Variants in ARID1A observed in about 807,000 individuals in gnomAD.
ARID1A encodes the protein AT-rich interaction domain 1A, also known as AT-rich interactive domain-containing protein 1A.
A neutral mutation model predicts 212.6 loss-of-function variants in ARID1A; 20 were observed. The ratio of observed to expected loss-of-function variants is 0.09; its 90% CI spans 0.07 to 0.14. ARID1A has a LOEUF of 0.14. ARID1A is among the 10% of genes least tolerant of loss of function. ARID1A has a pLI of 1.00. For synonymous variants in ARID1A, 1,376 were observed against 1,222.1 expected (o/e 1.13, Z -2.63); for missense variants, 2,587 against 3,059.0 (o/e 0.85, Z 3.64).
At chr1:26,736,320 C>T (rs2080729051) in intron 4 of ARID1A, among the ~76,000 whole-genome samples, 2 of 108,168 alleles carry the variant, frequency 1.8e-5, no homozygotes, top group Admixed American at 2.2e-4. Context: ...TGAACTCCAT[C>T]TCAAAAAAAA....
At position 26,780,204 on chromosome 1, in the gene ARID1A, C is replaced by T. The variant is rs779422603; in HGVS notation, c.6306C>T (p.Pro2102=). 5 of 1,614,202 alleles carry T rather than the reference C, an allele frequency of 3.1e-6. No homozygotes were observed. Among genetic ancestry groups the T allele is most frequent in the East Asian group, 2.2e-5 (1 of 44,884 alleles). ...GCCCTTCAGCTGAAGCCCAGGACCC[C>T]TTTTCCACCCTGGGCCCCAATGCCG... ...AVCPSAEAQD[P]FSTLGPNAVL... Residue 2102 remains proline, a synonymous_variant, in exon 20 of 20, where the codon CCC becomes CCT. Coordinates refer to ENST00000324856, the MANE Select transcript of ARID1A (RefSeq NM_006015.6). This position sits in a 1 kb window ranked among gnomAD's most constrained non-coding sequence, Gnocchi z 7.2.
In ARID1A at chr1:26,775,433, A is replaced by AG. The variant is rs550995687; in HGVS notation, c.4994-140dup. On this transcript the variant is annotated intron_variant, in intron 18 of 19. Transcript: ENST00000324856. ...CTAGACAGACAGCTTAGAAGCCATG[A>AG]GGGGCTGGTGTGTTTCATCTCCCAG... 4.9e-5 allele frequency: 68 copies of AG among 1,387,614 alleles called. No homozygotes were observed. The African/African-American group carries it at 6.1e-4, about 12-fold the overall frequency. The allele number at this position is 1,387,614 out of a possible 1,614,324, so 86.0% of individuals were successfully genotyped here.
chr1:26,708,288 TTTTTTTTTTTTTTTGA>T (rs1328082791), intron 1 of ARID1A, among the ~76,000 whole-genome samples: 1 of 121,294 alleles, frequency 8.2e-6, no homozygotes. Context: ...TTTTTTTTTT[TTTTTTTTTTTTTTTGA>T]GACGGAGTCT....
chr1:26,699,735 T>C (rs907204674), intron 1 of ARID1A, among the ~76,000 whole-genome samples: 1 of 152,182 alleles, frequency 6.6e-6, no homozygotes, highest in Non-Finnish European at 1.5e-5. Context: ...GGCTGAAAAT[T>C]TTACTTTTCT....
chr1:26,697,109 G>A lies in ARID1A; in HGVS notation c.706G>A (p.Gly236Ser), dbSNP rs2124743186. ...APAYALSSPR[G>S]GTPGSGAAAA... ...GGCCTACGCGCTGAGCTCCCCGAGA[G>A]GTGGCACTCCGGGCTCCGGCGCGGC... Residue 236 changes from glycine to serine, a missense_variant, in exon 1 of 20, where the codon GGT becomes AGT. Coordinates refer to ENST00000324856, the MANE Select transcript of ARID1A (RefSeq NM_006015.6). 2 of 1,458,736 alleles carry A rather than the reference G, an allele frequency of 1.4e-6. No homozygotes were observed. The highest frequency in any genetic ancestry group is 1.8e-6 in the Non-Finnish European group (2 of 1,109,786). 90.4% of individuals were successfully genotyped at this position (1,458,736 alleles called of 1,614,324 possible). A position where few individuals can be genotyped will look rare whatever the true frequency, so the allele number is the denominator to read the frequency against.
In ARID1A at chr1:26,771,782, T is replaced by C. The variant is rs1345600488; in HGVS notation, c.3406+456T>C. Reference sequence around the variant, plus strand: ...TATGAATGGAACTCCCTGATGGGAGTGGCTCTGCTCACCCTCCTTTCTGAG... The same window carrying C: ...TATGAATGGAACTCCCTGATGGGAGCGGCTCTGCTCACCCTCCTTTCTGAG... On this transcript the variant is annotated intron_variant, in intron 12 of 19. Coordinates refer to ENST00000324856, the MANE Select transcript of ARID1A (RefSeq NM_006015.6). The surrounding 1 kb of genome is among the most constrained non-coding windows in gnomAD (Gnocchi z 5.4). 5.4e-6 allele frequency: 1 copy of C among 186,538 alleles called. No individual in the cohort carries two copies. Among genetic ancestry groups the C allele is most frequent in the Non-Finnish European group, 1.1e-5 (1 of 89,034 alleles). The allele number at this position is 186,538 out of a possible 1,614,324, so 11.6% of individuals were successfully genotyped here. A position where few individuals can be genotyped will look rare whatever the true frequency, so the allele number is the denominator to read the frequency against.
Position 26,763,092 on chromosome 1 carries a change from A to G in ARID1A, c.2539A>G (p.Ile847Val). ...AGGTCAAATGCATGGACAGCCTGGC[A>G]TCCCACCTTATGGCACACTCCCTCC... Reference protein sequence around the residue: ...AGGQMHGQPGIPPYGTLPPGR... With the variant: ...AGGQMHGQPGVPPYGTLPPGR... Residue 847 changes from isoleucine (I) to valine (V), a missense_variant, in exon 8 of 20, where the codon ATC (isoleucine) becomes GTC (valine). Coordinates refer to ENST00000324856, the MANE Select transcript of ARID1A (RefSeq NM_006015.6). 1.2e-6 allele frequency: 2 copies of G among 1,614,282 alleles called. No individual in the cohort carries two copies. Among genetic ancestry groups the G allele is most frequent in the Non-Finnish European group, 1.7e-6 (2 of 1,180,046 alleles).
chr1:26,696,700 C>T lies in ARID1A; in HGVS notation c.297C>T (p.Asp99=), dbSNP rs2080258847. 11 of 1,363,280 alleles carry T rather than the reference C, an allele frequency of 8.1e-6. No homozygotes were observed. Among genetic ancestry groups the T allele is most frequent in the South Asian group, 5.3e-5 (3 of 56,970 alleles). 84.4% of individuals were successfully genotyped at this position (1,363,280 alleles called of 1,614,324 possible). ...GCGGCGGGCCCGGCGCGGAGCCGGA[C>T]CTGAAGAACTCGAACGGGAACGCGG... is the stretch of plus-strand genomic sequence containing the variant. The part of the protein sequence containing the change: ...GSGGGPGAEP[D]LKNSNGNAGP... The change falls in exon 1 of 20, where the codon GAC becomes GAT. Residue 99 remains aspartate, a synonymous_variant. Coordinates refer to ENST00000324856, the MANE Select transcript of ARID1A (RefSeq NM_006015.6).
Position 26,780,088 on chromosome 1 carries a change from C to G in ARID1A, c.6190C>G (p.Leu2064Val), listed in dbSNP as rs2124146651. 6.2e-7 allele frequency: 1 copy of G among 1,614,162 alleles called. No individual in the cohort carries two copies. The highest frequency in any genetic ancestry group is 8.5e-7 in the Non-Finnish European group (1 of 1,180,028). Residue 2064 changes from leucine (L) to valine (V), a missense_variant, in exon 20 of 20, where the codon CTC (leucine) becomes GTC (valine). Transcript: ENST00000324856. This position sits in a 1 kb window ranked among gnomAD's most constrained non-coding sequence, Gnocchi z 7.2. ...EMLRENTLVT[L>V]ANISGQLDLS... is the part of the protein sequence containing the mutation. ...GCTCCGGGAAAACACCTTGGTTACA[C>G]TCGCCAACATCTCGGGGCAGTTGGA...
At chr1:26,706,550 C>T (rs560471032) in intron 1 of ARID1A, among the ~76,000 whole-genome samples, 2 of 152,254 alleles carry the variant, frequency 1.3e-5, no homozygotes, top group East Asian at 1.9e-4. Flanking sequence ...TCTCAACTGC[C>T]GTGTACTTTG....
rs758956773 is a variant in ARID1A at position 26,774,282 on chromosome 1, C to T, written c.4102-47C>T. Reference sequence around the variant, plus strand: ...ATCTTGGCATCTGTGGGCTTTATGTCCCTGAGTGCAGAGTATTAACTTCCC... The same window carrying T: ...ATCTTGGCATCTGTGGGCTTTATGTTCCTGAGTGCAGAGTATTAACTTCCC... On this transcript the variant is annotated intron_variant, in intron 17 of 19. Coordinates refer to ENST00000324856, the MANE Select transcript of ARID1A (RefSeq NM_006015.6). The surrounding 1 kb of genome is among the most constrained non-coding windows in gnomAD (Gnocchi z 5.6). The T allele has an allele frequency of 6.0e-6, 9 of 1,511,708 alleles. No individual in the cohort carries two copies. The African/African-American group carries it at 1.3e-4, about 21-fold the overall frequency. 93.6% of individuals were successfully genotyped at this position (1,511,708 alleles called of 1,614,324 possible). A position where few individuals can be genotyped will look rare whatever the true frequency, so the allele number is the denominator to read the frequency against.
At chr1:26,707,861 G>C (rs2080408384) in intron 1 of ARID1A, among the ~76,000 whole-genome samples, 1 of 152,132 alleles carries the variant, frequency 6.6e-6, no homozygotes, top group African/African-American at 2.4e-5. Flanking sequence ...AGTTGGGTTT[G>C]TCTGACAAGG....
chr1:26,708,290 TTTTTTTTTTTTTG>T (rs1247958910), intron 1 of ARID1A, among the ~76,000 whole-genome samples: 2 of 116,446 alleles, frequency 1.7e-5, no homozygotes, highest in Non-Finnish European at 3.6e-5. Context: ...TTTTTTTTTT[TTTTTTTTTTTTTG>T]AGACGGAGTC....
In ARID1A at chr1:26,717,025, A is replaced by C. The variant is rs936225688; in HGVS notation, c.1138-12626A>C. Among the ~76,000 whole-genome samples the C allele has an allele frequency of 3.3e-5, 5 of 152,200 alleles. No homozygotes were observed. The East Asian group carries it at 9.6e-4, about 29-fold the overall frequency. ...GCACTATAGAGTTGCTGTGACAACC[A>C]AAAAAGGCGCTTTCATACATTTATT... On this transcript the variant is annotated intron_variant, in intron 1 of 19. Transcript: ENST00000324856.
chr1:26,739,202 T>A (rs2080763184), intron 4 of ARID1A, among the ~76,000 whole-genome samples: 1 of 152,190 alleles, frequency 6.6e-6, no homozygotes, highest in Non-Finnish European at 1.5e-5. Flanking sequence ...TCTGTAACTT[T>A]TCTTACTGAG....
chr1:26,774,844 C>T lies in ARID1A; in HGVS notation c.4617C>T (p.Ala1539=), dbSNP rs562707776. 4.5e-5 allele frequency: 73 copies of T among 1,609,390 alleles called. No individual in the cohort carries two copies. Among genetic ancestry groups the T allele is most frequent in the Non-Finnish European group, 5.9e-5 (69 of 1,176,708 alleles). Reference sequence around the variant, plus strand: ...AAATGCTGCACACAGATCAGAGGGCCAACCACGAAGGCTCGTGGCCTTCCC... The same window carrying T: ...AAATGCTGCACACAGATCAGAGGGCTAACCACGAAGGCTCGTGGCCTTCCC... ...TDEMLHTDQR[A]NHEGSWPSHG... is the part of the protein sequence containing the mutation. Residue 1539 remains alanine, a synonymous_variant, in exon 18 of 20, where the codon GCC becomes GCT. Coordinates refer to ENST00000324856, the MANE Select transcript of ARID1A (RefSeq NM_006015.6). This position sits in a 1 kb window ranked among gnomAD's most constrained non-coding sequence, Gnocchi z 5.6.
intron 1 of ARID1A, among the ~76,000 whole-genome samples, chr1:26,709,558 G>A (rs1390750790): frequency 6.6e-6 from 1 of 150,888 alleles, no homozygotes; most frequent in Admixed American, 6.6e-5. Flanking sequence ...AGTGGTTAAA[G>A]CTAGTATTGG....
intron 1 of ARID1A, among the ~76,000 whole-genome samples, chr1:26,715,223 T>C (rs4589135): frequency 0.38 from 57,233 of 152,086 alleles, 11,303 homozygotes; most frequent in African/African-American, 0.41. Flanking sequence ...ATCTGCAAAT[T>C]AGTTTAACAT....
intron 4 of ARID1A, among the ~76,000 whole-genome samples, chr1:26,739,874 G>A (rs561527318): frequency 6.6e-6 from 1 of 151,406 alleles, no homozygotes; most frequent in African/African-American, 2.4e-5. Flanking sequence ...TTGTTTTTTC[G>A]GGTCCCTGTT....
Sources: allele counts gnomAD v4.1 joint callset (sites outside exome capture counted in the v4.1 genomes callset), GRCh38; gene constraint gnomAD v4.1.1; non-coding constraint Gnocchi (gnomAD v3.1); transcripts MANE v1.5; gene names NCBI Gene and HGNC (gene_info 2026-07-23, HGNC 2026-07-21).